ZNF561: variants seen among roughly 807,000 people sequenced by gnomAD.
The protein encoded by ZNF561 is zinc finger protein 561.
A neutral mutation model predicts 16.7 loss-of-function variants in ZNF561; 16 were observed. The observed-to-expected ratio is 0.96, with a 90% CI of 0.65 to 1.45. The LOEUF is 1.45. Among genes scored for constraint, ZNF561 ranks in the 40% most tolerant of loss-of-function variants. The pLI is 0.00. For missense variants in ZNF561, 580 were observed against 578.0 expected, an observed-to-expected ratio of 1.00 and a Z score of -0.04; for synonymous variants, 190 against 192.1, an observed-to-expected ratio of 0.99 and a Z score of 0.09.
At chr19:9,619,005 G>A (rs911519897) in intron 2 of ZNF561, 1 of 152,440 alleles carries the variant, frequency 6.6e-6, no homozygotes, top group Non-Finnish European at 1.5e-5. Context: ...TTGAACCCAG[G>A]AGACAGAAGT....
chr19:9,614,363 C>G (rs1362126402), intron 4 of ZNF561: 1 of 345,426 alleles, frequency 2.9e-6, no homozygotes, highest in Non-Finnish European at 5.5e-6. Context: ...AATCCCAGCA[C>G]TTTGGGAGGC....
At chr19:9,611,358 T>C in intron 5 of ZNF561, 22 bp from the exon 6 acceptor site, 2 of 1,575,864 alleles carry the variant, frequency 1.3e-6, no homozygotes, top group Non-Finnish European at 1.7e-6. Flanking sequence ...GAGATAAAGG[T>C]TTTAAAACAT....
At position 9,614,076 on chromosome 19, in the gene ZNF561, C is replaced by T. The variant is rs1383852857; in HGVS notation, c.269G>A (p.Arg90Gln). The stretch of plus-strand genomic sequence containing the variant: ...CAAAAAACCCTGCTGAAGTGATGAC[C>T]GTTTGGTTCTAGGTTGTATTTCCCA... Reference protein sequence around the residue: ...VEWEIQPRTKRSSLQQGFLKN... With the variant: ...VEWEIQPRTKQSSLQQGFLKN... Residue 90 changes from arginine to glutamine, a missense_variant, in exon 5 of 6, where the codon CGG (arginine) becomes CAG (glutamine). By Grantham distance (43) the Arg-to-Gln change is conservative. Coordinates refer to ENST00000302851, the MANE Select transcript of ZNF561 (RefSeq NM_152289.3). 6 of 1,613,834 alleles carry T rather than the reference C, an allele frequency of 3.7e-6. No individual in the cohort carries two copies. Among genetic ancestry groups the T allele is most frequent in the African/African-American group, 1.3e-5 (1 of 74,864 alleles).
intron 4 of ZNF561, 61 bp from the exon 5 acceptor site, chr19:9,614,164 G>A: frequency 6.3e-7 from 1 of 1,576,064 alleles, no homozygotes. Context: ...TTTAAAATGA[G>A]TCATTTTTAC....
chr19:9,614,036 G>C lies in ZNF561; in HGVS notation c.309C>G (p.Phe103Leu). The change falls in exon 5 of 6, where the codon TTC (phenylalanine) becomes TTG (leucine). Residue 103 changes from phenylalanine (F) to leucine (L), a missense_variant. Transcript: ENST00000302851. Reference sequence around the variant, plus strand: ...TGAATCTTACCATTTGTATCCCACTGAATATTTGATTCTTCAAAAAACCCT... The same window carrying C: ...TGAATCTTACCATTTGTATCCCACTCAATATTTGATTCTTCAAAAAACCCT... The part of the protein sequence containing the change: ...LQQGFLKNQI[F>L]SGIQMTRGYS... The C allele has an allele frequency of 5.0e-6, 8 of 1,613,766 alleles. No homozygotes were observed. The highest frequency in any genetic ancestry group is 6.8e-6 in the Non-Finnish European group (8 of 1,179,892).
At chr19:9,616,947 A>C in intron 4 of ZNF561, 98 bp downstream of exon 4, 1 of 1,457,492 alleles carries the variant, frequency 6.9e-7, no homozygotes. Flanking sequence ...TGCTAGTATC[A>C]AACTCCCAGG....
intron 2 of ZNF561, 71 bp downstream of exon 2, chr19:9,619,361 C>A: frequency 6.5e-7 from 1 of 1,535,240 alleles, no homozygotes; most frequent in East Asian, 2.3e-5. Context: ...AGGCTCAGCT[C>A]ACTGGACGCT....
At chr19:9,613,489 C>T (rs2144882573) in intron 5 of ZNF561, among the ~76,000 whole-genome samples, 1 of 152,214 alleles carries the variant, frequency 6.6e-6, no homozygotes, top group South Asian at 2.1e-4. Flanking sequence ...CGTGCCTAGG[C>T]CTCCCAAAGG....
At chr19:9,611,670 C>G (rs190185905) in intron 5 of ZNF561, among the ~76,000 whole-genome samples, 1 of 152,202 alleles carries the variant, frequency 6.6e-6, no homozygotes, top group Admixed American at 6.6e-5. Flanking sequence ...GTCTCAAACT[C>G]CTAAGCTCAG....
intron 5 of ZNF561, among the ~76,000 whole-genome samples, chr19:9,613,247 C>A (rs1306670634): frequency 2.0e-5 from 3 of 152,160 alleles, no homozygotes; most frequent in Admixed American, 2.0e-4. Context: ...GATCCTGCTC[C>A]CTCAGTGGTG....
chr19:9,617,772 A>G (rs1011416585), intron 3 of ZNF561: 63 of 466,142 alleles, frequency 1.4e-4, no homozygotes, highest in African/African-American at 9.5e-4. Context: ...ATAAATGCTG[A>G]TAAGTGAATG....
chr19:9,620,087 C>CATT (rs1402139329), intron 1 of ZNF561, among the ~76,000 whole-genome samples: 7 of 151,576 alleles, frequency 4.6e-5, no homozygotes, highest in Admixed American at 2.0e-4. Context: ...TATCATCACT[C>CATT]ATTATTATTA....
In ZNF561 at chr19:9,610,358, G is replaced by C. The variant is rs758727083; in HGVS notation, c.1303C>G (p.Arg435Gly). 6.2e-6 allele frequency: 10 copies of C among 1,614,174 alleles called. No homozygotes were observed. The highest frequency in any genetic ancestry group is 8.5e-6 in the Non-Finnish European group (10 of 1,180,028). ...TGAGTTCGCAGGTGAACATTAAGGC[G>C]TGAGGAATATAGAAATGCTTTCCCA... ...ICGKAFLYSS[R>G]LNVHLRTHTG... Residue 435 changes from arginine (R) to glycine (G), a missense_variant, in exon 6 of 6, where the codon CGC becomes GGC. By Grantham distance (125) the Arg-to-Gly change is moderately radical. Coordinates refer to ENST00000302851, the MANE Select transcript of ZNF561 (RefSeq NM_152289.3).
chr19:9,613,197 A>G (rs1249506791), intron 5 of ZNF561, among the ~76,000 whole-genome samples: 1 of 152,172 alleles, frequency 6.6e-6, no homozygotes, highest in Non-Finnish European at 1.5e-5. Flanking sequence ...ACAGATATGG[A>G]ATATCATAAA....
intron 3 of ZNF561, 178 bp from the exon 4 acceptor site, chr19:9,617,349 A>G: frequency 3.9e-6 from 5 of 1,273,978 alleles, no homozygotes; most frequent in Non-Finnish European, 5.0e-6. Context: ...TTGACCTCCT[A>G]CAGGCATATG....
At position 9,607,336 on chromosome 19, in the gene ZNF561, G is replaced by C. The variant is rs2074367818; in HGVS notation, c.*2864C>G. 6.6e-6 allele frequency: 1 copy of C among 152,142 alleles called. No homozygotes were observed. The highest frequency in any genetic ancestry group is 2.1e-4 in the South Asian group (1 of 4,824). The allele number at this position is 152,142 out of a possible 1,614,324, so 9.4% of individuals were successfully genotyped here. On this transcript the variant is annotated 3_prime_UTR_variant, in exon 6 of 6. Transcript: ENST00000302851. ...ACATGCATCACCACATCATTTCATT[G>C]AAGTATTTATTACATACCATCATTG...
chr19:9,619,921 C>CCTATCTAT lies in ZNF561; in HGVS notation c.-126-347_-126-340dup, dbSNP rs372679906. 1.7e-3 allele frequency among the ~76,000 whole-genome samples: 196 copies of CCTATCTAT among 116,232 alleles called. 1 individual carries two copies. The highest frequency in any genetic ancestry group is 0.015 in the Middle Eastern group (3 of 196). 76.3% of individuals were successfully genotyped at this position (116,232 alleles called of 152,430 possible). On this transcript the variant is annotated intron_variant, in intron 1 of 5. Transcript: ENST00000302851. ...TCTATATCTATCTATCTATATCTAT[C>CCTATCTAT]CTATCTATCTATCTATCTATCTATC...
At chr19:9,617,769 C>T (rs1348316680) in intron 3 of ZNF561, 3 of 464,382 alleles carry the variant, frequency 6.5e-6, no homozygotes, top group Non-Finnish European at 1.3e-5. Flanking sequence ...CTGATAAATG[C>T]TGATAAGTGA....
Position 9,619,580 on chromosome 19 carries a change from G to T in ZNF561, c.-124C>A. ...TCCTCTTTGTACAGGGTTATTTGCG[G>T]TCCTGTTCATATCAATCATCAAACA... On this transcript the variant is annotated splice_region_variant and 5_prime_UTR_variant, in exon 2 of 6. Transcript: ENST00000302851. 1.2e-6 allele frequency: 1 copy of T among 839,858 alleles called. No individual in the cohort carries two copies. Among genetic ancestry groups the T allele is most frequent in the African/African-American group, 1.7e-5 (1 of 57,720 alleles). The allele number at this position is 839,858 out of a possible 1,614,324, so 52.0% of individuals were successfully genotyped here.
Sources: gnomAD v4.1 joint callset for allele counts (sites outside exome capture counted in the v4.1 genomes callset) on GRCh38, gnomAD v4.1.1 for gene constraint, MANE v1.5 for transcripts, NCBI Gene and HGNC (gene_info 2026-07-23, HGNC 2026-07-21) for gene names.